The following AGR2 variants were observed in gnomAD, a reference collection of about 807,000 sequenced individuals.
AGR2 encodes anterior gradient protein 2 homolog.
Under a neutral mutation model 25.9 loss-of-function variants are expected in AGR2, and 27 were observed. The ratio of observed to expected loss-of-function variants is 1.04; its 90% CI spans 0.77 to 1.44. The LOEUF (loss-of-function observed/expected upper bound fraction) is 1.44. Ranked by LOEUF, AGR2 falls within the 40% of genes most tolerant of loss-of-function variation. The pLI is 0.00. For missense variants in AGR2, 182 were observed against 200.9 expected (o/e 0.91, Z 0.57); for synonymous variants, 78 against 72.0 (o/e 1.08, Z -0.42).
intron 6 of AGR2, among the ~76,000 whole-genome samples, chr7:16,795,465 A>T (rs1158145206): frequency 6.6e-6 from 1 of 152,080 alleles, no homozygotes; most frequent in Non-Finnish European, 1.5e-5. Context: ...TTTTAAAAAA[A>T]GTTAATAGAG....
rs375328865 is a variant in AGR2 at position 16,792,807 on chromosome 7, A to T, written c.*101T>A. On this transcript the variant is annotated 3_prime_UTR_variant, in exon 8 of 8. Coordinates refer to ENST00000419304, the MANE Select transcript of AGR2 (RefSeq NM_006408.4). ...TGTAACATTAAACCATAACCTAATC[A>T]GTGTGTTCACTATGCTTCCACACTA... 2.8e-5 allele frequency: 29 copies of T among 1,020,226 alleles called. No homozygotes were observed. The East Asian group carries it at 3.6e-4, about 13-fold the overall frequency. 63.2% of individuals were successfully genotyped at this position (1,020,226 alleles called of 1,614,324 possible).
In AGR2 at chr7:16,792,970, A is replaced by C; in HGVS notation, c.479-13T>G. The C allele has an allele frequency of 6.2e-7, 1 of 1,613,474 alleles. No individual in the cohort carries two copies. The highest frequency in any genetic ancestry group is 8.5e-7 in the Non-Finnish European group (1 of 1,179,374). ...ATGTTGTCAAGCACTAATGGGGGAT[A>C]AAAGCAGGAGAGTCAAGACACCATC... On this transcript the variant is annotated splice_polypyrimidine_tract_variant and intron_variant, in intron 7 of 7. Coordinates refer to ENST00000419304, the MANE Select transcript of AGR2 (RefSeq NM_006408.4).
intron 4 of AGR2, among the ~76,000 whole-genome samples, chr7:16,800,123 C>T (rs1785116757): frequency 6.6e-6 from 1 of 152,166 alleles, no homozygotes; most frequent in African/African-American, 2.4e-5. Flanking sequence ...CAAAAAAAAG[C>T]ATGTGTTTTT....
At chr7:16,800,628 A>G (rs1395458397) in intron 4 of AGR2, among the ~76,000 whole-genome samples, 2 of 152,174 alleles carry the variant, frequency 1.3e-5, no homozygotes, top group Non-Finnish European at 2.9e-5. Flanking sequence ...GGTGACTGTT[A>G]TGGTAGTCTA....
intron 6 of AGR2, among the ~76,000 whole-genome samples, chr7:16,796,890 T>G (rs1583806365): frequency 6.6e-6 from 1 of 151,708 alleles, no homozygotes; most frequent in South Asian, 2.1e-4. Context: ...GGAAGGAGCA[T>G]GTGGCTCCTT....
intron 5 of AGR2, 91 bp downstream of exon 5, chr7:16,799,653 C>T: frequency 3.6e-6 from 3 of 828,740 alleles, no homozygotes; most frequent in East Asian, 2.5e-5. Flanking sequence ...CCAGTTAATG[C>T]AGTATAACTA....
At chr7:16,797,221 C>G (rs10251978) in intron 6 of AGR2, among the ~76,000 whole-genome samples, 24,455 of 152,080 alleles carry the variant, frequency 0.16, 5,373 homozygotes, top group African/African-American at 0.49. Context: ...AGCCACCCAG[C>G]CTTATTCCTA....
intron 1 of AGR2, 101 bp from the exon 2 acceptor site, chr7:16,801,904 G>T (rs1785153032): frequency 1.0e-6 from 1 of 978,758 alleles, no homozygotes; most frequent in Non-Finnish European, 1.5e-6. Context: ...AGAAACTGAG[G>T]CTCTGCTGAG....
intron 5 of AGR2, among the ~76,000 whole-genome samples, chr7:16,799,379 G>A (rs1314370061): frequency 2.0e-5 from 3 of 152,154 alleles, no homozygotes; most frequent in African/African-American, 4.8e-5. Flanking sequence ...CATGATTAGA[G>A]TTGGAAAGCC....
intron 6 of AGR2, 28 bp from the exon 7 acceptor site, chr7:16,795,047 A>G (rs1259295800): frequency 1.9e-6 from 3 of 1,611,910 alleles, no homozygotes; most frequent in African/African-American, 1.3e-5. Flanking sequence ...GCAAAAGGGA[A>G]TGGAATGGTT....
Position 16,801,711 on chromosome 7 carries a change from G to A in AGR2, c.86C>T (p.Ala29Val). ...LARDTTVKPG[A>V]KKDTKDSRPK... ...TCGAGAGTCCTTTGTGTCCTTTTTGGCTCCAGGTTTGACTGTGGTATCTCT... is the reference window on the plus strand; with the variant it reads ...TCGAGAGTCCTTTGTGTCCTTTTTGACTCCAGGTTTGACTGTGGTATCTCT... Residue 29 changes from alanine to valine, a missense_variant, in exon 2 of 8, where the codon GCC (alanine) becomes GTC (valine). Transcript: ENST00000419304. The A allele has an allele frequency of 1.2e-6, 2 of 1,613,612 alleles. No homozygotes were observed. The highest frequency in any genetic ancestry group is 1.7e-6 in the Non-Finnish European group (2 of 1,179,932).
intron 7 of AGR2, among the ~76,000 whole-genome samples, chr7:16,794,445 C>T (rs1177106415): frequency 6.6e-6 from 1 of 152,232 alleles, no homozygotes; most frequent in Non-Finnish European, 1.5e-5. Context: ...CTCTCTGTCT[C>T]TCTTCCATTG....
chr7:16,796,888 C>A (rs1785053467), intron 6 of AGR2, among the ~76,000 whole-genome samples: 1 of 151,518 alleles, frequency 6.6e-6, no homozygotes, highest in South Asian at 2.1e-4. Context: ...CAGGAAGGAG[C>A]ATGTGGCTCC....
intron 5 of AGR2, among the ~76,000 whole-genome samples, chr7:16,798,596 G>A (rs1051593102): frequency 6.6e-6 from 1 of 152,170 alleles, no homozygotes; most frequent in African/African-American, 2.4e-5. Flanking sequence ...CAACTTCTCT[G>A]ACAGCCATGT....
intron 1 of AGR2, 137 bp from the exon 2 acceptor site, chr7:16,801,940 T>C (rs1785154227): frequency 1.5e-6 from 1 of 647,170 alleles, no homozygotes; most frequent in African/African-American, 1.9e-5. Flanking sequence ...TTGGCGTAAA[T>C]AGCTCTGTTC....
At chr7:16,793,081 C>T (rs1784989088) in intron 7 of AGR2, 124 bp from the exon 8 acceptor site, 6 of 857,978 alleles carry the variant, frequency 7.0e-6, no homozygotes, top group Admixed American at 2.2e-5. Context: ...GACAAGGTCT[C>T]ACTCCCACTC....
At chr7:16,794,677 A>C in intron 7 of AGR2, 1 of 836,794 alleles carries the variant, frequency 1.2e-6, no homozygotes. Flanking sequence ...AAAATCAGGT[A>C]ATGTGGTCAT....
intron 2 of AGR2, 118 bp from the exon 3 acceptor site, chr7:16,801,501 T>G (rs1466564103): frequency 1.5e-6 from 2 of 1,335,940 alleles, no homozygotes; most frequent in African/African-American, 2.9e-5. Context: ...GAAAAACCCC[T>G]GGAGAAAGTA....
intron 7 of AGR2, among the ~76,000 whole-genome samples, chr7:16,793,957 C>T (rs1055521132): frequency 1.3e-5 from 2 of 152,192 alleles, no homozygotes; most frequent in Non-Finnish European, 2.9e-5. Flanking sequence ...GTGTAGGACA[C>T]GTGCCTTTTA....
Sources: allele counts gnomAD v4.1 joint callset (sites outside exome capture counted in the v4.1 genomes callset), GRCh38; gene constraint gnomAD v4.1.1; transcripts MANE v1.5; gene names NCBI Gene and HGNC (gene_info 2026-07-23, HGNC 2026-07-21).